The following FMN2 variants were observed in gnomAD, a reference collection of about 807,000 sequenced individuals.
FMN2 encodes the protein formin 2.
FMN2 carries 51 observed loss-of-function variants against 142.3 expected under a neutral mutation model. The ratio of observed to expected loss-of-function variants is 0.36; its 90% CI spans 0.29 to 0.45. The LOEUF is 0.45. Among genes scored for constraint, FMN2 ranks in the 20% least tolerant of loss-of-function variants. The pLI is 1.00. For synonymous variants in FMN2, 882 were observed against 869.8 expected (o/e 1.01, Z -0.25); for missense variants, 1,936 against 2,122.8 (o/e 0.91, Z 1.73).
chr1:240,170,425 G>A (rs1290496776), intron 2 of FMN2: 27 of 1,268,704 alleles, frequency 2.1e-5, no homozygotes, highest in Non-Finnish European at 3.0e-5. Context: ...GCTGAAGGCG[G>A]GTGATAACTG....
intron 6 of FMN2, among the ~76,000 whole-genome samples, chr1:240,255,210 TC>T (rs1485683669): frequency 2.0e-5 from 3 of 152,168 alleles, no homozygotes; most frequent in Non-Finnish European, 2.9e-5. Context: ...CTTCTTTGCC[TC>T]CCATGTTACC....
intron 2 of FMN2, chr1:240,144,242 C>G: frequency 6.3e-7 from 1 of 1,580,636 alleles, no homozygotes; most frequent in South Asian, 1.1e-5. Flanking sequence ...ATTCACAAAG[C>G]CACTCACAAA....
chr1:240,190,050 C>T (rs572657965), intron 4 of FMN2, among the ~76,000 whole-genome samples: 8 of 152,266 alleles, frequency 5.3e-5, no homozygotes, highest in African/African-American at 1.9e-4. Context: ...ACATGTACAG[C>T]ATTGCTTTCT....
chr1:240,285,319 G>GAT (rs1558411861), intron 7 of FMN2: 1 of 455,256 alleles, frequency 2.2e-6, no homozygotes, highest in Non-Finnish European at 4.4e-6. Flanking sequence ...ACACCAAGCA[G>GAT]ATGGAGGCTC....
intron 6 of FMN2, among the ~76,000 whole-genome samples, chr1:240,220,294 C>A (rs114786764): frequency 0.022 from 3,373 of 152,224 alleles, 110 homozygotes; most frequent in African/African-American, 0.077. Flanking sequence ...TACCAGCCAC[C>A]CCCAGCTCTG....
At chr1:240,464,234 C>G (rs934296516) in intron 16 of FMN2, among the ~76,000 whole-genome samples, 1 of 151,966 alleles carries the variant, frequency 6.6e-6, no homozygotes, top group African/African-American at 2.4e-5. Flanking sequence ...TCATCCACAC[C>G]CATCATTACT....
At chr1:240,366,198 C>A (rs1244834000) in intron 14 of FMN2, among the ~76,000 whole-genome samples, 3 of 152,178 alleles carry the variant, frequency 2.0e-5, no homozygotes, top group Non-Finnish European at 4.4e-5. Flanking sequence ...CAGAATAGAA[C>A]ATGATCAATA....
At position 240,269,437 on chromosome 1, in the gene FMN2, A is replaced by G. The variant is rs527787815; in HGVS notation, c.4153+11405A>G. 2.0e-5 allele frequency among the ~76,000 whole-genome samples: 3 copies of G among 152,030 alleles called. No individual in the cohort carries two copies. The South Asian group carries it at 6.2e-4, about 32-fold the overall frequency. ...TTTATGCCACCACCATACTGTTTTG[A>G]TTACTATAGCTTTGTAATATATTTT... is the stretch of plus-strand genomic sequence containing the variant. On this transcript the variant is annotated intron_variant, in intron 7 of 17. Transcript: ENST00000319653.
intron 2 of FMN2, among the ~76,000 whole-genome samples, chr1:240,131,715 A>AG (rs1336522634): frequency 2.1e-5 from 3 of 143,418 alleles, no homozygotes; most frequent in South Asian, 4.3e-4. Flanking sequence ...TCTCAAAAAG[A>AG]AAAAAAAAAA....
intron 6 of FMN2, among the ~76,000 whole-genome samples, chr1:240,228,320 A>G (rs1321335618): frequency 2.1e-5 from 2 of 97,296 alleles, no homozygotes; most frequent in East Asian, 5.3e-4. Flanking sequence ...AAAAAAAAAA[A>G]AAAAAAAAAA....
Position 240,294,934 on chromosome 1 carries a change from C to A in FMN2, c.4215+51C>A, listed in dbSNP as rs559991626. On this transcript the variant is annotated intron_variant, in intron 8 of 17. Coordinates refer to ENST00000319653, the MANE Select transcript of FMN2 (RefSeq NM_020066.5). ...GTGAGTATATAATATGTACACAGTACATGTCTATGTGCACATATAGGCTCT... is the reference window on the plus strand; with the variant it reads ...GTGAGTATATAATATGTACACAGTAAATGTCTATGTGCACATATAGGCTCT... The A allele has an allele frequency of 4.7e-6, 7 of 1,499,320 alleles. No homozygotes were observed. The South Asian group carries it at 6.8e-5, about 15-fold the overall frequency. The allele number at this position is 1,499,320 out of a possible 1,614,324, so 92.9% of individuals were successfully genotyped here. A position where few individuals can be genotyped will look rare whatever the true frequency, so the allele number is the denominator to read the frequency against.
chr1:240,228,874 C>G (rs1159559121), intron 6 of FMN2, among the ~76,000 whole-genome samples: 1 of 152,000 alleles, frequency 6.6e-6, no homozygotes, highest in Non-Finnish European at 1.5e-5. Context: ...GGCAAGAGTT[C>G]ATTAATCTCA....
chr1:240,121,666 G>A (rs913783639), intron 1 of FMN2, among the ~76,000 whole-genome samples: 11 of 146,314 alleles, frequency 7.5e-5, no homozygotes, highest in African/African-American at 2.8e-4. Context: ...TGGGATTACA[G>A]GGGTGAGCCA....
intron 1 of FMN2, among the ~76,000 whole-genome samples, chr1:240,100,230 G>C (rs961441692): frequency 7.9e-5 from 12 of 152,310 alleles, no homozygotes; most frequent in African/African-American, 2.6e-4. Flanking sequence ...TGTTAAAATA[G>C]TAATGACATT....
At chr1:240,226,823 C>CACACACACAT (rs1348391196) in intron 6 of FMN2, among the ~76,000 whole-genome samples, 15 of 151,730 alleles carry the variant, frequency 9.9e-5, no homozygotes, top group African/African-American at 3.6e-4. Flanking sequence ...CACACACACA[C>CACACACACAT]ACACACACAC....
chr1:240,117,064 C>T (rs1305926661), intron 1 of FMN2, among the ~76,000 whole-genome samples: 3 of 151,850 alleles, frequency 2.0e-5, no homozygotes, highest in African/African-American at 7.3e-5. Flanking sequence ...AAGGGATAGC[C>T]AAAGAAGTGA....
chr1:240,258,592 G>A (rs1668527225), intron 7 of FMN2, among the ~76,000 whole-genome samples: 1 of 152,210 alleles, frequency 6.6e-6, no homozygotes, highest in Admixed American at 6.5e-5. Context: ...TCACATGGGA[G>A]TGAGGTTTGC....
chr1:240,132,062 T>C (rs2103234827), intron 2 of FMN2, among the ~76,000 whole-genome samples: 1 of 152,320 alleles, frequency 6.6e-6, no homozygotes, highest in East Asian at 1.9e-4. Flanking sequence ...CCGACAGGAC[T>C]TGCCATTTGA....
chr1:240,201,026 T>C (rs1024833797), intron 4 of FMN2, among the ~76,000 whole-genome samples: 1 of 152,224 alleles, frequency 6.6e-6, no homozygotes, highest in Admixed American at 6.5e-5. Context: ...GTTCTTATTG[T>C]ATCTTACATT....
Sources: gnomAD v4.1 joint callset for allele counts (sites outside exome capture counted in the v4.1 genomes callset) on GRCh38, gnomAD v4.1.1 for gene constraint, MANE v1.5 for transcripts, NCBI Gene and HGNC (gene_info 2026-07-23, HGNC 2026-07-21) for gene names.